SEMA6D: variants seen among roughly 807,000 people sequenced by gnomAD.
The protein encoded by SEMA6D is semaphorin-6D.
A neutral mutation model predicts 106.6 loss-of-function variants in SEMA6D; 35 were observed. The ratio of observed to expected loss-of-function variants is 0.33; its 90% CI spans 0.25 to 0.44. The LOEUF is 0.44. Ranked by LOEUF, SEMA6D falls within the 20% of genes least tolerant of loss-of-function variation. The pLI is 1.00. For missense variants in SEMA6D, 1,185 were observed against 1,345.9 expected, an observed-to-expected ratio of 0.88 and a Z score of 1.87; for synonymous variants, 499 against 487.7, an observed-to-expected ratio of 1.02 and a Z score of -0.31.
At chr15:47,365,924 A>AGAGAGAGAGAGAGAGG (rs745578391) in intron 1 of SEMA6D, among the ~76,000 whole-genome samples, 1 of 143,210 alleles carries the variant, frequency 7.0e-6, no homozygotes, top group African/African-American at 2.6e-5. Flanking sequence ...AGAGAGAGAG[A>AGAGAGAGAGAGAGAGG]AAAGAAAGAA....
Position 47,763,047 on chromosome 15 carries a change from A to T in SEMA6D, c.690A>T (p.Gly230=). The T allele has an allele frequency of 1.2e-6, 2 of 1,612,214 alleles. No homozygotes were observed. Among genetic ancestry groups the T allele is most frequent in the Non-Finnish European group, 1.7e-6 (2 of 1,179,146 alleles). ...EPHFLHAIEY[G]NYVYFFFREI... ...ACTTTCTTCATGCCATAGAATATGG[A>T]AACTATGTCTATTTCTTCTTTCGAG... The change falls in exon 9 of 19, where the codon GGA becomes GGT. Residue 230 remains glycine, a synonymous_variant. Coordinates refer to ENST00000536845, the MANE Select transcript of SEMA6D (RefSeq NM_001358351.3).
intron 1 of SEMA6D, among the ~76,000 whole-genome samples, chr15:47,292,548 T>C (rs2035630603): frequency 6.6e-6 from 1 of 152,188 alleles, no homozygotes; most frequent in Admixed American, 6.5e-5. Context: ...AGAAAGCTTG[T>C]TAACCATGGA....
At chr15:47,532,859 C>T (rs1251340656) in intron 3 of SEMA6D, among the ~76,000 whole-genome samples, 1 of 152,096 alleles carries the variant, frequency 6.6e-6, no homozygotes, top group Non-Finnish European at 1.5e-5. Flanking sequence ...TCAGGGTGAC[C>T]TCATTGCCCA....
chr15:47,231,831 C>G (rs1009724607), intron 1 of SEMA6D, among the ~76,000 whole-genome samples: 4 of 151,904 alleles, frequency 2.6e-5, no homozygotes, highest in Non-Finnish European at 4.4e-5. Flanking sequence ...AAAATTGATT[C>G]TTTTTTTAAC....
intron 1 of SEMA6D, among the ~76,000 whole-genome samples, chr15:47,310,320 A>T (rs4774493): frequency 0.54 from 82,249 of 152,030 alleles, 23,995 homozygotes; most frequent in East Asian, 0.76. Flanking sequence ...AGGCTGTGGG[A>T]TGGGGCAGGA....
In SEMA6D at chr15:47,418,015, A is replaced by G. The variant is rs553438349; in HGVS notation, c.-159+5543A>G. Among the ~76,000 whole-genome samples, 4 of 152,218 alleles carry G rather than the reference A, an allele frequency of 2.6e-5. No individual in the cohort carries two copies. In the East Asian group the frequency reaches 7.7e-4, roughly 29 times the overall value. ...AATATATCTAAAATATAGCATTTAT[A>G]TATTTTATATGCCCATATATATTTT... is the stretch of plus-strand genomic sequence containing the variant. On this transcript the variant is annotated intron_variant, in intron 2 of 19. Transcript: ENST00000558014.
chr15:47,427,081 G>C (rs989791024), intron 2 of SEMA6D, among the ~76,000 whole-genome samples: 2 of 152,094 alleles, frequency 1.3e-5, no homozygotes, highest in African/African-American at 2.4e-5. Context: ...TTTTGTGATT[G>C]TATTGAAGTA....
intron 4 of SEMA6D, among the ~76,000 whole-genome samples, chr15:47,630,402 G>A (rs1466986999): frequency 6.6e-6 from 1 of 151,626 alleles, no homozygotes; most frequent in Non-Finnish European, 1.5e-5. Flanking sequence ...TTTATTTTTA[G>A]TATCCACATT....
intron 1 of SEMA6D, among the ~76,000 whole-genome samples, chr15:47,249,784 T>C (rs576073906): frequency 3.9e-5 from 6 of 152,318 alleles, no homozygotes; most frequent in African/African-American, 1.4e-4. Flanking sequence ...AGAAGGGTTC[T>C]TGCCTTTTCT....
chr15:47,691,661 G>A (rs898810384), intron 4 of SEMA6D, among the ~76,000 whole-genome samples: 4 of 152,046 alleles, frequency 2.6e-5, no homozygotes, highest in East Asian at 1.9e-4. Context: ...AGTATTAGCC[G>A]TATCTTTTGG....
At chr15:47,672,469 T>C (rs1415235713) in intron 4 of SEMA6D, among the ~76,000 whole-genome samples, 3 of 152,202 alleles carry the variant, frequency 2.0e-5, no homozygotes. Flanking sequence ...TAACTTAAAC[T>C]CTAAATAGTG....
chr15:47,602,384 A>G (rs1450648776), intron 4 of SEMA6D, among the ~76,000 whole-genome samples: 2 of 152,196 alleles, frequency 1.3e-5, no homozygotes, highest in African/African-American at 4.8e-5. Context: ...AGTCAGAAGC[A>G]CCATAAAGCT....
chr15:47,763,462 A>T (rs1256828435), intron 9 of SEMA6D, among the ~76,000 whole-genome samples: 1 of 152,164 alleles, frequency 6.6e-6, no homozygotes, highest in Non-Finnish European at 1.5e-5. Context: ...TAGCGACCCC[A>T]TTCAATTTTT....
intron 1 of SEMA6D, among the ~76,000 whole-genome samples, chr15:47,288,133 C>G (rs1444013089): frequency 6.6e-6 from 1 of 152,194 alleles, no homozygotes; most frequent in Non-Finnish European, 1.5e-5. Flanking sequence ...CCCCGTGATC[C>G]AAACACTTTT....
chr15:47,339,096 C>G (rs772120454), intron 1 of SEMA6D: 6 of 152,250 alleles, frequency 3.9e-5, no homozygotes, highest in Non-Finnish European at 8.8e-5. Context: ...TGCTGGATAG[C>G]TGAACACGTG....
At chr15:47,585,374 C>T (rs780478666) in intron 3 of SEMA6D, among the ~76,000 whole-genome samples, 3 of 152,154 alleles carry the variant, frequency 2.0e-5, no homozygotes, top group Non-Finnish European at 4.4e-5. Flanking sequence ...AATACCACAA[C>T]ATTATTTTAA....
intron 3 of SEMA6D, among the ~76,000 whole-genome samples, chr15:47,543,982 G>C (rs1206527338): frequency 6.6e-6 from 1 of 152,110 alleles, no homozygotes; most frequent in African/African-American, 2.4e-5. Context: ...TGGAGTATTT[G>C]AAAGTCTCTG....
At chr15:47,325,177 G>GT (rs2037081288) in intron 1 of SEMA6D, among the ~76,000 whole-genome samples, 4 of 149,694 alleles carry the variant, frequency 2.7e-5, no homozygotes, top group African/African-American at 7.4e-5. Flanking sequence ...TTTGTTTTTT[G>GT]TTTTTTGTTT....
At chr15:47,756,573 A>G (rs572674368) in intron 1 of SEMA6D, among the ~76,000 whole-genome samples, 67 of 152,356 alleles carry the variant, frequency 4.4e-4, no homozygotes, top group African/African-American at 1.4e-3. Flanking sequence ...CCCAAGAGCC[A>G]GGAAGTAAAT....
Sources: allele counts gnomAD v4.1 joint callset (sites outside exome capture counted in the v4.1 genomes callset), GRCh38; gene constraint gnomAD v4.1.1; transcripts MANE v1.5; gene names NCBI Gene and HGNC (gene_info 2026-07-23, HGNC 2026-07-21).